The following GABRG1 variants were observed in gnomAD, a reference collection of about 807,000 sequenced individuals.
The protein encoded by GABRG1 is gamma-aminobutyric acid receptor subunit gamma-1.
Under a neutral mutation model 49.8 loss-of-function variants are expected in GABRG1, and 49 were observed. The observed-to-expected ratio is 0.98, with a 90% confidence interval of 0.78 to 1.25. The LOEUF (loss-of-function observed/expected upper bound fraction) is 1.25, where lower values mean the gene tolerates loss of function less well. Ranked by LOEUF, GABRG1 falls within the 50% of genes most tolerant of loss-of-function variation. The pLI, the probability that GABRG1 is intolerant of heterozygous loss-of-function variation, is 0.00. For missense variants in GABRG1, 552 were observed against 552.3 expected (o/e 1.00, Z 0.01); for synonymous variants, 232 against 185.1 (o/e 1.25, Z -2.06).
At chr4:46,050,348 AAGT>A (rs1718168160) in intron 8 of GABRG1, among the ~76,000 whole-genome samples, 1 of 151,922 alleles carries the variant, frequency 6.6e-6, no homozygotes, top group African/African-American at 2.4e-5. Context: ...ATAACATGAA[AAGT>A]AAAACATAAC....
chr4:46,076,799 A>T (rs114243532), intron 3 of GABRG1, among the ~76,000 whole-genome samples: 1 of 151,830 alleles, frequency 6.6e-6, no homozygotes, highest in Non-Finnish European at 1.5e-5. Flanking sequence ...TCTATCTTGA[A>T]GTTTCAAAAA....
chr4:46,079,090 T>G (rs1163263822), intron 3 of GABRG1, among the ~76,000 whole-genome samples: 1 of 151,704 alleles, frequency 6.6e-6, no homozygotes, highest in Non-Finnish European at 1.5e-5. Context: ...TTTTTCCTTT[T>G]GTAGAAAGCA....
At chr4:46,068,709 C>A (rs1283625496) in intron 3 of GABRG1, among the ~76,000 whole-genome samples, 2 of 151,976 alleles carry the variant, frequency 1.3e-5, no homozygotes, top group Non-Finnish European at 2.9e-5. Flanking sequence ...TGCCATGTTA[C>A]ACGTAATAAA....
chr4:46,105,399 TG>T (rs1720502413), intron 1 of GABRG1, among the ~76,000 whole-genome samples: 2 of 151,564 alleles, frequency 1.3e-5, no homozygotes, highest in South Asian at 4.1e-4. Flanking sequence ...TAAACACTAC[TG>T]TTTTTTTGTA....
chr4:46,097,148 G>T, intron 2 of GABRG1, 53 bp downstream of exon 2: 1 of 1,411,928 alleles, frequency 7.1e-7, no homozygotes, highest in Non-Finnish European at 9.6e-7. Flanking sequence ...AATAGTACCA[G>T]TAATGATATG....
At chr4:46,065,003 T>C (rs1417404906) in intron 4 of GABRG1, among the ~76,000 whole-genome samples, 1 of 152,170 alleles carries the variant, frequency 6.6e-6, no homozygotes, top group Admixed American at 6.5e-5. Context: ...AGGGATGTTT[T>C]ACTACACCAT....
chr4:46,058,736 T>C, intron 5 of GABRG1, 114 bp from the exon 6 acceptor site: 1 of 733,754 alleles, frequency 1.4e-6, no homozygotes, highest in Non-Finnish European at 2.2e-6. Context: ...TTACAAGATA[T>C]GCCAAACATA....
chr4:46,121,844 C>G (rs6833256), intron 1 of GABRG1, among the ~76,000 whole-genome samples: 1 of 151,796 alleles, frequency 6.6e-6, no homozygotes, highest in Non-Finnish European at 1.5e-5. Context: ...ATTACTATGA[C>G]AATAAAAATT....
intron 1 of GABRG1, among the ~76,000 whole-genome samples, chr4:46,110,323 C>A (rs559665059): frequency 6.6e-6 from 1 of 151,078 alleles, no homozygotes; most frequent in East Asian, 2.0e-4. Context: ...TCTGATATAA[C>A]ATAGTGAACC....
chr4:46,067,364 TG>T (rs1411359169), intron 3 of GABRG1, among the ~76,000 whole-genome samples: 1 of 152,146 alleles, frequency 6.6e-6, no homozygotes, highest in Admixed American at 6.6e-5. Context: ...TAATTGAGTA[TG>T]AGATGTATGT....
chr4:46,102,179 A>G (rs1163550163), intron 1 of GABRG1, among the ~76,000 whole-genome samples: 1 of 151,652 alleles, frequency 6.6e-6, no homozygotes, highest in Non-Finnish European at 1.5e-5. Flanking sequence ...TCTTAAGAAA[A>G]TTATTGTGGC....
chr4:46,090,590 T>C lies in GABRG1; in HGVS notation c.254-6537A>G, dbSNP rs1188880169. On this transcript the variant is annotated intron_variant, in intron 2 of 8. Coordinates refer to ENST00000295452, the MANE Select transcript of GABRG1 (RefSeq NM_173536.4). ...TAAAGTATAAGGAGTAAAACAGAAA[T>C]ACAGACTCTGATGCTTCCTTTGTGG... is the stretch of plus-strand genomic sequence containing the variant. Among the ~76,000 whole-genome samples, 8 of 152,002 alleles carry C rather than the reference T, an allele frequency of 5.3e-5. No homozygotes were observed. In the East Asian group the frequency reaches 9.7e-4, roughly 19 times the overall value.
chr4:46,090,955 TACACACACACACACACACAC>T (rs61288916), intron 2 of GABRG1, among the ~76,000 whole-genome samples: 2 of 131,064 alleles, frequency 1.5e-5, no homozygotes, highest in East Asian at 2.3e-4. Context: ...CACACACACA[TACACACACACACACACACAC>T]ACACACACAC....
chr4:46,102,633 T>C (rs879389576), intron 1 of GABRG1, among the ~76,000 whole-genome samples: 1 of 151,682 alleles, frequency 6.6e-6, no homozygotes, highest in Non-Finnish European at 1.5e-5. Context: ...CCTGTACTTA[T>C]TTACTAAAGA....
At chr4:46,061,729 G>A (rs1384236158) in intron 5 of GABRG1, among the ~76,000 whole-genome samples, 1 of 149,954 alleles carries the variant, frequency 6.7e-6, no homozygotes, top group Non-Finnish European at 1.5e-5. Context: ...CAGTAGGAAA[G>A]TAAACCACCA....
intron 3 of GABRG1, among the ~76,000 whole-genome samples, chr4:46,074,008 A>G (rs965529880): frequency 1.3e-5 from 2 of 152,168 alleles, no homozygotes; most frequent in Non-Finnish European, 1.5e-5. Context: ...ATTACAGTTT[A>G]TTACCAATTA....
At chr4:46,086,654 CTTTAT>C (rs1371608277) in intron 2 of GABRG1, among the ~76,000 whole-genome samples, 5 of 151,104 alleles carry the variant, frequency 3.3e-5, no homozygotes, top group Admixed American at 6.6e-5. Flanking sequence ...AATTTTTTTT[CTTTAT>C]TTTATGTTAT....
intron 1 of GABRG1, among the ~76,000 whole-genome samples, chr4:46,119,373 G>A (rs1038404939): frequency 6.6e-6 from 1 of 151,408 alleles, no homozygotes; most frequent in African/African-American, 2.4e-5. Context: ...AGATGTGGTA[G>A]TTAAAAATGC....
At chr4:46,121,377 A>G (rs913157436) in intron 1 of GABRG1, among the ~76,000 whole-genome samples, 2 of 151,994 alleles carry the variant, frequency 1.3e-5, no homozygotes, top group African/African-American at 4.8e-5. Context: ...AAATATTAAA[A>G]GGATAAAAAG....
Sources: gnomAD v4.1 joint callset for allele counts (sites outside exome capture counted in the v4.1 genomes callset) on GRCh38, gnomAD v4.1.1 for gene constraint, MANE v1.5 for transcripts, NCBI Gene and HGNC (gene_info 2026-07-23, HGNC 2026-07-21) for gene names.